The following CNNM3 variants were observed in gnomAD, a reference collection of about 807,000 sequenced individuals.
The protein encoded by CNNM3 is metal transporter CNNM3.
In CNNM3, 47 loss-of-function variants were observed where a neutral mutation model predicts 57.1. The observed-to-expected ratio is 0.82, with a 90% CI of 0.65 to 1.05. The LOEUF (loss-of-function observed/expected upper bound fraction) is 1.05. CNNM3 is among the 50% of genes least tolerant of loss of function. The probability of loss-of-function intolerance (pLI) is 0.00; values close to 1 mark genes in which losing one functional copy is unlikely to be tolerated. For missense variants in CNNM3, 957 were observed against 973.7 expected (o/e 0.98, Z 0.23); for synonymous variants, 507 against 478.2 (o/e 1.06, Z -0.79).
At chr2:96,837,048 C>T (rs1198723661), downstream of CNNM3, 2 of 152,118 alleles carry the variant, frequency 1.3e-5, no homozygotes, top group African/African-American at 2.4e-5. Context: ...GTCCTGTTCC[C>T]GTGATGATCT....
At position 96,833,270 on chromosome 2, in the gene CNNM3, G is replaced by C; in HGVS notation, c.*654G>C. On this transcript the variant is annotated 3_prime_UTR_variant, in exon 8 of 8. Coordinates refer to ENST00000305510, the MANE Select transcript of CNNM3 (RefSeq NM_017623.5). ...GCTGCTCTTCTGATTCTGAGAGCTG[G>C]CCTAGTGGTGCTGAGGGCCCCTTTC... The C allele has an allele frequency of 3.0e-6, 1 of 333,116 alleles. No homozygotes were observed. Among genetic ancestry groups the C allele is most frequent in the South Asian group, 2.3e-5 (1 of 42,628 alleles). The allele number at this position is 333,116 out of a possible 1,614,324, so 20.6% of individuals were successfully genotyped here.
chr2:96,830,018 T>C (rs771165904), intron 7 of CNNM3, among the ~76,000 whole-genome samples: 2 of 152,084 alleles, frequency 1.3e-5, no homozygotes, highest in Non-Finnish European at 2.9e-5. Flanking sequence ...GAACTAAAGG[T>C]TGTGGGATAT....
chr2:96,830,078 T>A (rs937859255), intron 7 of CNNM3, among the ~76,000 whole-genome samples: 5 of 152,316 alleles, frequency 3.3e-5, no homozygotes, highest in African/African-American at 1.2e-4. Context: ...GTCTGAAGTG[T>A]AGGCTGTGGG....
chr2:96,827,728 CA>C lies in CNNM3; in HGVS notation c.1520-2del, dbSNP rs756073103. 6.2e-7 allele frequency: 1 copy of C among 1,611,550 alleles called. No individual in the cohort carries two copies. Among genetic ancestry groups the C allele is most frequent in the Admixed American group, 1.7e-5 (1 of 59,942 alleles). On this transcript the variant is annotated splice_acceptor_variant, in intron 3 of 7. Coordinates refer to ENST00000305510, the MANE Select transcript of CNNM3 (RefSeq NM_017623.5). LOFTEE classifies it high-confidence loss of function. ...CACTGTCCCTTTTTTCCACCACGTG[CA>C]GAAGTGGATGTATTCAGCCCGCTGC...
chr2:96,821,932 GA>G (rs144794146), intron 1 of CNNM3, among the ~76,000 whole-genome samples: 11,819 of 151,940 alleles, frequency 0.078, 507 homozygotes, highest in Middle Eastern at 0.18. Context: ...CATCAAATTT[GA>G]AAAATTGTAA....
At position 96,816,357 on chromosome 2, in the gene CNNM3, C is replaced by G; in HGVS notation, c.80C>G (p.Ala27Gly). 1 of 1,298,276 alleles carries G rather than the reference C, an allele frequency of 7.7e-7. No individual in the cohort carries two copies. The highest frequency in any genetic ancestry group is 4.2e-5 in the Admixed American group (1 of 24,056). 80.4% of individuals were successfully genotyped at this position (1,298,276 alleles called of 1,614,324 possible). The change falls in exon 1 of 8, where the codon GCC (alanine) becomes GGC (glycine). Residue 27 changes from alanine (A) to glycine (G), a missense_variant. By Grantham distance (60) the Ala-to-Gly change is moderately conservative. Around this residue, in one of 2 missense-constraint regions of CNNM3, gnomAD observed 466 missense variants for 403.1 expected, o/e 1.16. Transcript: ENST00000305510. ...TGCCTGGGCAACGCCGCGGGGGAGGCCGCGCCGGGCCCGCGAGTGCTGGGC... is the reference window on the plus strand; with the variant it reads ...TGCCTGGGCAACGCCGCGGGGGAGGGCGCGCCGGGCCCGCGAGTGCTGGGC... ...ALCLGNAAGE[A>G]APGPRVLGFC...
chr2:96,836,182 A>G (rs1435934482), downstream of CNNM3, among the ~76,000 whole-genome samples: 1 of 147,766 alleles, frequency 6.8e-6, no homozygotes, highest in East Asian at 2.0e-4. Context: ...TTCTGGACTC[A>G]AGCAGTTCTC....
rs1030967946 is a variant in CNNM3 at position 96,833,040 on chromosome 2, C to G, written c.*424C>G. The G allele has an allele frequency of 7.0e-6, 9 of 1,294,770 alleles. No homozygotes were observed. The highest frequency in any genetic ancestry group is 3.0e-5 in the African/African-American group (2 of 66,124). 80.2% of individuals were successfully genotyped at this position (1,294,770 alleles called of 1,614,324 possible). ...ATTTGTTTGCTTTTAATTTGCCAAC[C>G]TATCGCTGCTGGCAGCACTTTTTGA... On this transcript the variant is annotated 3_prime_UTR_variant, in exon 8 of 8. Coordinates refer to ENST00000305510, the MANE Select transcript of CNNM3 (RefSeq NM_017623.5).
chr2:96,818,971 A>T (rs2079366595), intron 1 of CNNM3, among the ~76,000 whole-genome samples: 1 of 152,196 alleles, frequency 6.6e-6, no homozygotes, highest in Non-Finnish European at 1.5e-5. Context: ...GCTACTCCTG[A>T]CTGAGCACTG....
At chr2:96,832,357 C>T (rs1161545299) in intron 7 of CNNM3, 195 bp from the exon 8 acceptor site, 30 of 985,154 alleles carry the variant, frequency 3.0e-5, no homozygotes, top group African/African-American at 5.2e-5. Flanking sequence ...CCAGCTTCCC[C>T]GTCTCCCAGG....
Position 96,816,435 on chromosome 2 carries a change from C to T in CNNM3, c.158C>T (p.Ala53Val), listed in dbSNP as rs2079317690. 4 of 1,398,426 alleles carry T rather than the reference C, an allele frequency of 2.9e-6. No individual in the cohort carries two copies. The highest frequency in any genetic ancestry group is 3.7e-6 in the Non-Finnish European group (4 of 1,078,328). The allele number at this position is 1,398,426 out of a possible 1,614,324, so 86.6% of individuals were successfully genotyped here. A position where few individuals can be genotyped will look rare whatever the true frequency, so the allele number is the denominator to read the frequency against. The part of the protein sequence containing the change: ...AAGAGWVRGG[A>V]ARDTPDATFL... ...GGCGCGGGTTGGGTACGCGGAGGGG[C>T]GGCGCGGGACACGCCGGACGCCACC... Residue 53 changes from alanine to valine, a missense_variant, in exon 1 of 8, where the codon GCG (alanine) becomes GTG (valine). Around this residue, in one of 2 missense-constraint regions of CNNM3, gnomAD observed 466 missense variants for 403.1 expected, o/e 1.16. Transcript: ENST00000305510.
At chr2:96,819,808 A>G (rs915832461) in intron 1 of CNNM3, among the ~76,000 whole-genome samples, 8 of 152,176 alleles carry the variant, frequency 5.3e-5, no homozygotes, top group African/African-American at 1.9e-4. Context: ...CAACTTCTGT[A>G]GTTGGTCATG....
intron 5 of CNNM3, 75 bp from the exon 6 acceptor site, chr2:96,828,492 C>T: frequency 6.3e-7 from 1 of 1,579,422 alleles, no homozygotes; most frequent in Non-Finnish European, 8.7e-7. Flanking sequence ...CGAAACTGTA[C>T]AGTTGTCCCC....
chr2:96,817,642 G>T, intron 1 of CNNM3, 140 bp downstream of exon 1: 1 of 780,930 alleles, frequency 1.3e-6, no homozygotes, highest in Non-Finnish European at 2.1e-6. Flanking sequence ...TTTTCAAGAC[G>T]GTATTGGCCT....
At chr2:96,817,728 C>CT (rs1254069073) in intron 1 of CNNM3, among the ~76,000 whole-genome samples, 1 of 150,006 alleles carries the variant, frequency 6.7e-6, no homozygotes, top group African/African-American at 2.5e-5. Flanking sequence ...ACAGCGAACA[C>CT]TTTAACCCCC....
chr2:96,832,993 C>G lies in CNNM3; in HGVS notation c.*377C>G. ...AGCCACCTTGTGAGTGCAGTTACTG[C>G]CTTTGTGTGGCCGTGACCTCTATTT... On this transcript the variant is annotated 3_prime_UTR_variant, in exon 8 of 8. Coordinates refer to ENST00000305510, the MANE Select transcript of CNNM3 (RefSeq NM_017623.5). The G allele has an allele frequency of 3.7e-6, 5 of 1,336,556 alleles. No homozygotes were observed. Among genetic ancestry groups the G allele is most frequent in the Non-Finnish European group, 4.9e-6 (5 of 1,019,544 alleles). 82.8% of individuals were successfully genotyped at this position (1,336,556 alleles called of 1,614,324 possible).
intron 2 of CNNM3, among the ~76,000 whole-genome samples, chr2:96,826,021 C>T (rs923008605): frequency 2.2e-4 from 34 of 152,296 alleles, no homozygotes; most frequent in African/African-American, 7.5e-4. Context: ...GGGCCGCCTG[C>T]CCTGCATGCT....
chr2:96,836,064 T>A, downstream of CNNM3, among the ~76,000 whole-genome samples: 2 of 149,506 alleles, frequency 1.3e-5, no homozygotes, highest in African/African-American at 5.1e-5. Flanking sequence ...GTAGCTTATC[T>A]TTTTCACCCC....
Position 96,826,818 on chromosome 2 carries a change from C to G in CNNM3, c.1370-15C>G. 6.2e-7 allele frequency: 1 copy of G among 1,613,996 alleles called. No individual in the cohort carries two copies. Among genetic ancestry groups the G allele is most frequent in the Non-Finnish European group, 8.5e-7 (1 of 1,179,968 alleles). The stretch of plus-strand genomic sequence containing the variant: ...GGTGGCTGATGCCTGAGCGCGCCCT[C>G]TTCTTCCATCTTAGGAGACACCGTG... On this transcript the variant is annotated splice_polypyrimidine_tract_variant and intron_variant, in intron 2 of 7. Transcript: ENST00000305510.
Sources: allele counts gnomAD v4.1 joint callset (sites outside exome capture counted in the v4.1 genomes callset), GRCh38; gene constraint gnomAD v4.1.1; regional missense constraint gnomAD v4.1.1; transcripts MANE v1.5; gene names NCBI Gene and HGNC (gene_info 2026-07-23, HGNC 2026-07-21).